ANKRD36C: variants seen among roughly 807,000 people sequenced by gnomAD.
The protein encoded by ANKRD36C is ankyrin repeat domain-containing protein 36C.
In ANKRD36C, 61 loss-of-function variants were observed where a neutral mutation model predicts 276.4. The ratio of observed to expected loss-of-function variants is 0.22; its 90% confidence interval spans 0.18 to 0.27. The LOEUF (loss-of-function observed/expected upper bound fraction) is 0.27. ANKRD36C is among the 10% of genes least tolerant of loss of function. ANKRD36C has a pLI of 1.00. For missense variants in ANKRD36C, 1,447 were observed against 2,032.3 expected (o/e 0.71, Z 5.54); for synonymous variants, 483 against 680.1 (o/e 0.71, Z 4.51).
At chr2:95,964,807 A>C (rs1678553845) in intron 6 of ANKRD36C, among the ~76,000 whole-genome samples, 1 of 152,096 alleles carries the variant, frequency 6.6e-6, no homozygotes, top group African/African-American at 2.4e-5. Flanking sequence ...TGAGTAGTAA[A>C]TTAGAATCTT....
intron 6 of ANKRD36C, among the ~76,000 whole-genome samples, chr2:95,967,783 C>G (rs1004480841): frequency 4.0e-5 from 6 of 151,894 alleles, no homozygotes; most frequent in African/African-American, 1.5e-4. Flanking sequence ...TAGCAAGACT[C>G]TTTATTAAAA....
At chr2:95,917,414 AG>A (rs1378222990) in intron 36 of ANKRD36C, among the ~76,000 whole-genome samples, 1 of 151,556 alleles carries the variant, frequency 6.6e-6, no homozygotes. Context: ...TTGCTACATC[AG>A]GGGTCTCCTT....
chr2:95,971,435 C>G (rs1323107295), intron 6 of ANKRD36C, among the ~76,000 whole-genome samples: 1 of 151,756 alleles, frequency 6.6e-6, no homozygotes, highest in Non-Finnish European at 1.5e-5. Context: ...TGGCGTATAT[C>G]AAAAATCTCT....
chr2:95,928,320 C>A (rs1368224572), intron 26 of ANKRD36C, among the ~76,000 whole-genome samples: 2 of 151,502 alleles, frequency 1.3e-5, no homozygotes, highest in Non-Finnish European at 3.0e-5. Flanking sequence ...GCTCCTTGAA[C>A]AAGGAAGCCA....
intron 44 of ANKRD36C, among the ~76,000 whole-genome samples, chr2:95,897,873 A>C (rs4470377): frequency 0.99 from 89,900 of 91,134 alleles, 44,461 homozygotes; most frequent in East Asian, 1. Flanking sequence ...CACCATTATA[A>C]TACAAACATT....
chr2:95,943,866 T>C (rs1013480421), intron 19 of ANKRD36C, among the ~76,000 whole-genome samples: 1 of 152,122 alleles, frequency 6.6e-6, no homozygotes, highest in Non-Finnish European at 1.5e-5. Context: ...AATAGATGTA[T>C]ATATTTTCAG....
At chr2:95,893,868 A>G (rs1233845635) in intron 44 of ANKRD36C, 144 bp from the exon 63 acceptor site, 2 of 1,392,672 alleles carry the variant, frequency 1.4e-6, no homozygotes, top group African/African-American at 2.9e-5. Context: ...TCTGGGGACT[A>G]GAACATGACA....
At chr2:95,956,450 C>T (rs890824391) in intron 13 of ANKRD36C, among the ~76,000 whole-genome samples, 2 of 152,186 alleles carry the variant, frequency 1.3e-5, no homozygotes, top group Admixed American at 6.5e-5. Flanking sequence ...GTACCGTGAT[C>T]GCATTGCTGC....
chr2:95,880,800 G>A (rs1184186031), intron 56 of ANKRD36C, among the ~76,000 whole-genome samples, 177 bp from the exon 77 acceptor site: 2 of 152,056 alleles, frequency 1.3e-5, no homozygotes, highest in South Asian at 4.2e-4. Context: ...GAAGAAAATA[G>A]GAATACAAGC....
intron 60 of ANKRD36C, among the ~76,000 whole-genome samples, chr2:95,861,015 G>T (rs1180275158): frequency 6.6e-6 from 1 of 152,066 alleles, no homozygotes; most frequent in African/African-American, 2.4e-5. Context: ...CTGGAAGAGG[G>T]TCCATTCCCA....
chr2:95,884,176 T>C (rs1336052150), exon 54 of ANKRD36C: 2 of 1,606,568 alleles, frequency 1.2e-6, no homozygotes, highest in Non-Finnish European at 1.7e-6. Flanking sequence ...AAATTACCTG[T>C]CCCAGATTTT....
chr2:95,958,466 C>G, intron 12 of ANKRD36C, 125 bp downstream of exon 12: 2 of 1,286,610 alleles, frequency 1.6e-6, no homozygotes, highest in African/African-American at 1.5e-5. Flanking sequence ...ATTACAAATG[C>G]AGAATCTCAG....
intron 54 of ANKRD36C, 38 bp downstream of exon 74, chr2:95,884,135 G>A (rs1397702473): frequency 1.3e-6 from 2 of 1,574,676 alleles, no homozygotes; most frequent in Admixed American, 1.8e-5. Context: ...TTTTCTATCT[G>A]GACTGAACAT....
intron 6 of ANKRD36C, among the ~76,000 whole-genome samples, chr2:95,964,017 G>A (rs201796251): frequency 0.11 from 1,808 of 16,136 alleles, 25 homozygotes; most frequent in African/African-American, 0.18. Context: ...ATATATATGT[G>A]TGTGTGTGTC....
intron 13 of ANKRD36C, among the ~76,000 whole-genome samples, chr2:95,955,773 G>T (rs1678312522): frequency 6.6e-6 from 1 of 152,066 alleles, no homozygotes; most frequent in Non-Finnish European, 1.5e-5. Context: ...TGAGTTTCAG[G>T]TTCTCCACCT....
chr2:95,893,085 A>T (rs11164055), intron 44 of ANKRD36C, among the ~76,000 whole-genome samples: 41,582 of 150,552 alleles, frequency 0.28, 6,550 homozygotes, highest in East Asian at 0.47. Flanking sequence ...ACAATCCGTC[A>T]TCCTTGGGAA....
intron 63 of ANKRD36C, among the ~76,000 whole-genome samples, chr2:95,854,707 GATC>G (rs1257971518): frequency 6.6e-6 from 1 of 152,156 alleles, no homozygotes; most frequent in African/African-American, 2.4e-5. Flanking sequence ...AGAATAGAAT[GATC>G]ATATCTATAC....
intron 59 of ANKRD36C, among the ~76,000 whole-genome samples, chr2:95,871,540 C>T (rs920082651): frequency 5.9e-5 from 9 of 151,922 alleles, no homozygotes; most frequent in Non-Finnish European, 1.0e-4. Flanking sequence ...AAGGAACAAC[C>T]GGTACCAGCC....
intron 36 of ANKRD36C, 42 bp from the exon 39 acceptor site, chr2:95,916,213 T>G (rs147149451): frequency 1.2e-4 from 186 of 1,600,656 alleles, no homozygotes; most frequent in Admixed American, 1.3e-4. Flanking sequence ...CTCGTAAATA[T>G]GATAAAGTTA....
Sources: allele counts gnomAD v4.1 joint callset (sites outside exome capture counted in the v4.1 genomes callset), GRCh38; gene constraint gnomAD v4.1.1; transcripts MANE v1.5; gene names NCBI Gene and HGNC (gene_info 2026-07-23, HGNC 2026-07-21).